ADGRE2: variants seen among roughly 807,000 people sequenced by gnomAD.
ADGRE2 encodes adhesion G protein-coupled receptor E2.
In ADGRE2, 83 loss-of-function variants were observed where a neutral mutation model predicts 100.8. That is an observed-to-expected ratio of 0.82 (90% CI 0.69 to 0.99). The LOEUF is 0.99. Among genes scored for constraint, ADGRE2 ranks in the 50% least tolerant of loss-of-function variants. The probability of loss-of-function intolerance (pLI) is 0.00; values close to 1 mark genes in which losing one functional copy is unlikely to be tolerated. For missense variants in ADGRE2, 814 were observed against 1,035.7 expected, an observed-to-expected ratio of 0.79 and a Z score of 2.94; for synonymous variants, 355 against 413.0, an observed-to-expected ratio of 0.86 and a Z score of 1.70.
At chr19:14,774,157 G>C in intron 3 of ADGRE2, 99 bp downstream of exon 3, 2 of 1,516,350 alleles carry the variant, frequency 1.3e-6, no homozygotes, top group Non-Finnish European at 1.8e-6. Context: ...CCGTGCACGA[G>C]CCCTCTCTTT....
rs2042716295 is a variant in ADGRE2 at position 14,734,584 on chromosome 19, A to C, written c.*1652T>G. 1 of 152,000 alleles carries C rather than the reference A, an allele frequency of 6.6e-6. No homozygotes were observed. The highest frequency in any genetic ancestry group is 1.5e-5 in the Non-Finnish European group (1 of 68,010). 9.4% of individuals were successfully genotyped at this position (152,000 alleles called of 1,614,324 possible). A position where few individuals can be genotyped will look rare whatever the true frequency, so the allele number is the denominator to read the frequency against. ...AACTTAATATTATCATCTATGTGAG[A>C]TTTCATATATTTTTGTATTTTTACT... On this transcript the variant is annotated 3_prime_UTR_variant, in exon 21 of 21. Coordinates refer to ENST00000315576, the MANE Select transcript of ADGRE2 (RefSeq NM_013447.4).
chr19:14,777,199 G>A, intron 1 of ADGRE2: 1 of 507,484 alleles, frequency 2.0e-6, no homozygotes, highest in South Asian at 8.5e-5. Context: ...TCCCTGGGCA[G>A]GCACGCAGGG....
chr19:14,744,791 G>A (rs1364720050), intron 18 of ADGRE2, among the ~76,000 whole-genome samples: 2 of 151,962 alleles, frequency 1.3e-5, no homozygotes, highest in African/African-American at 2.4e-5. Flanking sequence ...GATTTTCCCA[G>A]AGGGAGGATT....
intron 14 of ADGRE2, among the ~76,000 whole-genome samples, 195 bp from the exon 15 acceptor site, chr19:14,752,721 C>T (rs1027056107): frequency 5.9e-5 from 9 of 151,952 alleles, no homozygotes; most frequent in African/African-American, 9.7e-5. Flanking sequence ...GGAATACAGG[C>T]GTAGTCATGT....
intron 6 of ADGRE2, among the ~76,000 whole-genome samples, chr19:14,766,763 C>T (rs941496994): frequency 1.3e-5 from 2 of 152,318 alleles, no homozygotes; most frequent in Non-Finnish European, 2.9e-5. Context: ...GTCTGGGGGC[C>T]CACAAGGGCA....
At chr19:14,770,216 C>T (rs1373504273) in intron 5 of ADGRE2, among the ~76,000 whole-genome samples, 3 of 152,120 alleles carry the variant, frequency 2.0e-5, no homozygotes, top group South Asian at 2.1e-4. Context: ...AGTGAGTTCT[C>T]GCCTTGTTAG....
chr19:14,731,466 T>G, downstream of ADGRE2: 1 of 467,344 alleles, frequency 2.1e-6, no homozygotes, highest in Non-Finnish European at 3.8e-6. Flanking sequence ...TCCCCAGCCG[T>G]GCAATGACTG....
At chr19:14,725,889 G>A in the ADGRE2 span, among the ~76,000 whole-genome samples, 1 of 152,220 alleles carries the variant, frequency 6.6e-6, no homozygotes, top group Non-Finnish European at 1.5e-5. Context: ...CCATTCTGGG[G>A]TCTGGAGGGA....
intron 20 of ADGRE2, among the ~76,000 whole-genome samples, chr19:14,736,471 G>A (rs2042747802): frequency 1.3e-5 from 2 of 151,876 alleles, no homozygotes; most frequent in African/African-American, 2.4e-5. Flanking sequence ...ACGTAGGCCA[G>A]GCTGGCCTTG....
chr19:14,769,486 G>C (rs1376319284), intron 5 of ADGRE2, among the ~76,000 whole-genome samples: 1 of 152,080 alleles, frequency 6.6e-6, no homozygotes, highest in Non-Finnish European at 1.5e-5. Context: ...TGAGGGGTGA[G>C]GGGGATGCAG....
At chr19:14,750,839 G>A (rs1259180629) in intron 16 of ADGRE2, among the ~76,000 whole-genome samples, 1 of 152,094 alleles carries the variant, frequency 6.6e-6, no homozygotes, top group Non-Finnish European at 1.5e-5. Context: ...TTAGAGACAA[G>A]GTCTTTCTCT....
the ADGRE2 span, among the ~76,000 whole-genome samples, chr19:14,725,542 CAA>C: frequency 6.6e-6 from 1 of 152,166 alleles, no homozygotes; most frequent in Non-Finnish European, 1.5e-5. Flanking sequence ...CCTGTGAAAT[CAA>C]AGACATGTTA....
chr19:14,758,862 G>A (rs1171053860), intron 11 of ADGRE2, among the ~76,000 whole-genome samples: 1 of 129,348 alleles, frequency 7.7e-6, no homozygotes, highest in Non-Finnish European at 1.5e-5. Flanking sequence ...TGCAGTCTGC[G>A]GGACACAGCA....
intron 18 of ADGRE2, among the ~76,000 whole-genome samples, chr19:14,745,078 C>T (rs769321205): frequency 8.6e-5 from 13 of 151,522 alleles, no homozygotes; most frequent in South Asian, 4.2e-4. Flanking sequence ...TTAGTAGAGA[C>T]GGGGTTTCAC....
Position 14,743,637 on chromosome 19 carries a change from C to T in ADGRE2, c.2331G>A (p.Val777=), listed in dbSNP as rs2042995761. The change falls in exon 19 of 21, where the codon GTG becomes GTA. Residue 777 remains valine (V), a synonymous_variant. Transcript: ENST00000315576. ...NSLQGVFIFL[V]YCLLSQQVRE... is the part of the protein sequence containing the mutation. ...GTACCTGCTGGCTGAGGAGGCAGTA[C>T]ACCAGGAAGATGAAGACACCCTGCA... The T allele has an allele frequency of 3.1e-6, 5 of 1,614,148 alleles. No homozygotes were observed. Among genetic ancestry groups the T allele is most frequent in the Non-Finnish European group, 4.2e-6 (5 of 1,180,020 alleles).
rs1183101283 is a variant in ADGRE2, at chr19:14,767,095, G to A, written c.370C>T (p.Gln124Ter). 3 of 1,596,434 alleles carry A rather than the reference G, an allele frequency of 1.9e-6. 1 individual carries two copies. The South Asian group carries it at 3.3e-5, about 18-fold the overall frequency. Reference protein sequence around the residue: ...ENTCQDVDECQQNPRLCKSYG... With the variant: ...ENTCQDVDEC ...CTTTTACAGAGCCTTGGGTTCTGCT[G>A]ACATTCGTCCACATCTGCAAGAGGA... The change falls in exon 6 of 21, where the codon CAG (glutamine) becomes TAG (stop). Residue 124 changes from glutamine (Q) to a stop codon, truncating the protein, a stop_gained. Coordinates refer to ENST00000315576, the MANE Select transcript of ADGRE2 (RefSeq NM_013447.4). LOFTEE classifies it high-confidence loss of function.
At chr19:14,774,690 T>TTTCTTTCTTTCTTTC (rs1568630374) in intron 2 of ADGRE2, among the ~76,000 whole-genome samples, 2 of 46,540 alleles carry the variant, frequency 4.3e-5, no homozygotes, top group Non-Finnish European at 6.2e-5. Context: ...TTCTTTCTTT[T>TTTCTTTCTTTCTTTC]TGAGACAGGG....
chr19:14,766,298 A>G lies in ADGRE2; in HGVS notation c.571T>C (p.Cys191Arg), dbSNP rs746131246. 1.9e-6 allele frequency: 3 copies of G among 1,614,076 alleles called. No individual in the cohort carries two copies. Among genetic ancestry groups the G allele is most frequent in the Admixed American group, 3.3e-5 (2 of 60,006 alleles). The change falls in exon 7 of 21, where the codon TGC becomes CGC. Residue 191 changes from cysteine (C) to arginine (R), a missense_variant. Around this residue, in one of 5 missense-constraint regions of ADGRE2, gnomAD observed 69 missense variants for 75.3 expected, o/e 0.92. Coordinates refer to ENST00000315576, the MANE Select transcript of ADGRE2 (RefSeq NM_013447.4). ...GGAATCGGTTGCCAGCCCGGGCGGC[A>G]GCGGCACTGATAGCTGCCCACGTTG... The part of the protein sequence containing the change: ...LNNVGSYQCR[C>R]RPGWQPIPGS...
At chr19:14,760,098 G>A (rs1419828972) in intron 11 of ADGRE2, among the ~76,000 whole-genome samples, 3 of 152,272 alleles carry the variant, frequency 2.0e-5, no homozygotes, top group South Asian at 2.1e-4. Context: ...GATTACAGGC[G>A]TGAGCCACCG....
Sources: gnomAD v4.1 joint callset for allele counts (sites outside exome capture counted in the v4.1 genomes callset) on GRCh38, gnomAD v4.1.1 for gene constraint, gnomAD v4.1.1 regional missense constraint, MANE v1.5 for transcripts, NCBI Gene and HGNC (gene_info 2026-07-23, HGNC 2026-07-21) for gene names.